Variants in LRRTM4 observed in about 807,000 individuals in gnomAD.
LRRTM4 encodes the protein leucine rich repeat transmembrane neuronal 4.
Under a neutral mutation model 47.6 loss-of-function variants are expected in LRRTM4, and 25 were observed. The ratio of observed to expected loss-of-function variants is 0.53; its 90% CI spans 0.38 to 0.73. The LOEUF (loss-of-function observed/expected upper bound fraction) is 0.73. LRRTM4 is among the 30% of genes least tolerant of loss of function. The pLI is 0.00. For synonymous variants in LRRTM4, 311 were observed against 269.5 expected (o/e 1.15, Z -1.51); for missense variants, 638 against 713.4 (o/e 0.89, Z 1.20).
At chr2:76,890,602 G>A (rs144113866) in intron 3 of LRRTM4, among the ~76,000 whole-genome samples, 1 of 151,860 alleles carries the variant, frequency 6.6e-6, no homozygotes, top group Non-Finnish European at 1.5e-5. Flanking sequence ...AATAGCAAAT[G>A]GCTTTTATAT....
intron 3 of LRRTM4, among the ~76,000 whole-genome samples, chr2:76,971,510 A>G (rs1486482425): frequency 6.6e-6 from 1 of 152,054 alleles, no homozygotes; most frequent in African/African-American, 2.4e-5. Context: ...GGTAACTGGC[A>G]TCAGGGGTGT....
chr2:77,275,019 T>C (rs1448600414), intron 3 of LRRTM4, among the ~76,000 whole-genome samples: 1 of 151,786 alleles, frequency 6.6e-6, no homozygotes, highest in East Asian at 1.9e-4. Context: ...CTGATGGCAA[T>C]AGAAACTACA....
intron 3 of LRRTM4, among the ~76,000 whole-genome samples, chr2:77,082,734 G>GA (rs1296312144): frequency 6.6e-6 from 1 of 151,946 alleles, no homozygotes; most frequent in Admixed American, 6.6e-5. Flanking sequence ...TAATGTCAGA[G>GA]AAAAAAAGTC....
chr2:77,259,531 A>G (rs969512226), intron 3 of LRRTM4, among the ~76,000 whole-genome samples: 5 of 152,100 alleles, frequency 3.3e-5, no homozygotes, highest in Non-Finnish European at 7.4e-5. Flanking sequence ...CTTTCGTGGG[A>G]AATCTAAAAA....
intron 3 of LRRTM4, among the ~76,000 whole-genome samples, chr2:77,029,242 G>A (rs62170895): frequency 6.6e-6 from 1 of 151,682 alleles, no homozygotes; most frequent in Non-Finnish European, 1.5e-5. Context: ...ATGAATGGGA[G>A]TTTATTAGGA....
chr2:77,125,926 CTATG>C (rs1434361653), intron 3 of LRRTM4, among the ~76,000 whole-genome samples: 3 of 142,734 alleles, frequency 2.1e-5, no homozygotes, highest in East Asian at 2.1e-4. Context: ...TATATATATA[CTATG>C]TATGTGTATA....
At chr2:76,917,913 T>C (rs866412414) in intron 3 of LRRTM4, among the ~76,000 whole-genome samples, 11 of 152,172 alleles carry the variant, frequency 7.2e-5, no homozygotes, top group Admixed American at 2.6e-4. Flanking sequence ...TCTCTTTTTA[T>C]AGTGGTATGG....
chr2:76,852,500 A>G (rs974402131), intron 3 of LRRTM4, among the ~76,000 whole-genome samples: 2 of 152,188 alleles, frequency 1.3e-5, no homozygotes, highest in Non-Finnish European at 2.9e-5. Context: ...TGAATAGTTT[A>G]GTGAATTTTG....
At chr2:76,972,845 T>G (rs1676268496) in intron 3 of LRRTM4, among the ~76,000 whole-genome samples, 1 of 152,038 alleles carries the variant, frequency 6.6e-6, no homozygotes, top group South Asian at 2.1e-4. Context: ...TCTGATTTAT[T>G]ATGTCACCTT....
chr2:76,977,677 T>C (rs540580768), intron 3 of LRRTM4, among the ~76,000 whole-genome samples: 3 of 152,110 alleles, frequency 2.0e-5, no homozygotes, highest in South Asian at 2.1e-4. Context: ...TCTTTTAAAA[T>C]ATTGATGACG....
intron 3 of LRRTM4, among the ~76,000 whole-genome samples, chr2:77,250,325 A>T (rs1347950): frequency 0.69 from 104,412 of 151,970 alleles, 36,530 homozygotes; most frequent in African/African-American, 0.83. Context: ...GTGATAATGA[A>T]TTTCAATATA....
At chr2:77,520,315 G>A (rs1044433614) in intron 2 of LRRTM4, among the ~76,000 whole-genome samples, 3 of 152,098 alleles carry the variant, frequency 2.0e-5, no homozygotes, top group Non-Finnish European at 2.9e-5. Context: ...CAAACAGGCT[G>A]TGATTTGGCA....
chr2:77,063,379 G>A (rs955556854), intron 3 of LRRTM4, among the ~76,000 whole-genome samples: 1 of 152,156 alleles, frequency 6.6e-6, no homozygotes, highest in Non-Finnish European at 1.5e-5. Flanking sequence ...TTTGAATAGT[G>A]TAATACTGCC....
intron 3 of LRRTM4, among the ~76,000 whole-genome samples, chr2:77,409,983 T>G (rs1674355944): frequency 6.6e-6 from 1 of 152,168 alleles, no homozygotes; most frequent in Non-Finnish European, 1.5e-5. Context: ...TTAATAAACC[T>G]GTCATCACCA....
chr2:77,002,210 C>G (rs867046489), intron 3 of LRRTM4, among the ~76,000 whole-genome samples: 14 of 152,192 alleles, frequency 9.2e-5, no homozygotes, highest in Middle Eastern at 6.8e-3. Context: ...TTTAAAATAG[C>G]CTTTTAGAGT....
intron 3 of LRRTM4, among the ~76,000 whole-genome samples, chr2:77,288,024 C>A (rs535716536): frequency 6.6e-6 from 1 of 151,914 alleles, no homozygotes; most frequent in African/African-American, 2.4e-5. Flanking sequence ...AAAAGGCAGC[C>A]AGCCATAACA....
chr2:77,386,575 T>C (rs1440223250), intron 3 of LRRTM4, among the ~76,000 whole-genome samples: 1 of 152,200 alleles, frequency 6.6e-6, no homozygotes, highest in Non-Finnish European at 1.5e-5. Flanking sequence ...TAAACATACA[T>C]GTGCATGTGT....
chr2:77,459,440 T>C (rs968320005), intron 3 of LRRTM4, among the ~76,000 whole-genome samples: 3 of 152,010 alleles, frequency 2.0e-5, no homozygotes, highest in African/African-American at 4.8e-5. Context: ...AGGGTGTAGG[T>C]CCTCTCATGA....
chr2:77,435,915 C>T (rs561411098), intron 3 of LRRTM4, among the ~76,000 whole-genome samples: 3 of 152,062 alleles, frequency 2.0e-5, no homozygotes, highest in Admixed American at 6.6e-5. Context: ...CTAGACCATA[C>T]TGCAAGGGAA....
Sources: gnomAD v4.1 joint callset for allele counts (sites outside exome capture counted in the v4.1 genomes callset) on GRCh38, gnomAD v4.1.1 for gene constraint, MANE v1.5 for transcripts, NCBI Gene and HGNC (gene_info 2026-07-23, HGNC 2026-07-21) for gene names.